CSF2: variants seen among roughly 807,000 people sequenced by gnomAD.
CSF2 encodes granulocyte-macrophage colony-stimulating factor.
Under a neutral mutation model 13.5 loss-of-function variants are expected in CSF2, and 2 were observed. That is an observed-to-expected ratio of 0.15 (90% CI 0.06 to 0.47). The LOEUF (loss-of-function observed/expected upper bound fraction) is 0.47, where lower values mean the gene tolerates loss of function less well. Ranked by LOEUF, CSF2 falls within the 20% of genes least tolerant of loss-of-function variation. The probability of loss-of-function intolerance (pLI) is 0.97; values close to 1 mark genes in which losing one functional copy is unlikely to be tolerated. For missense variants in CSF2, 141 were observed against 179.7 expected (o/e 0.78, Z 1.23); for synonymous variants, 66 against 69.2 (o/e 0.95, Z 0.23).
Position 132,075,964 on chromosome 5 carries a change from G to C in CSF2, c.*112G>C, listed in dbSNP as rs1176818478. On this transcript the variant is annotated 3_prime_UTR_variant, in exon 4 of 4. Coordinates refer to ENST00000296871, the MANE Select transcript of CSF2 (RefSeq NM_000758.4). ...CCAAGGGGTGGGCCACAGCCATGGT[G>C]GGAGTGGCCTGGACCTGCCCTGGGC... The C allele has an allele frequency of 5.7e-6, 5 of 883,572 alleles. No individual in the cohort carries two copies. The highest frequency in any genetic ancestry group is 7.5e-6 in the Non-Finnish European group (4 of 533,262). The allele number at this position is 883,572 out of a possible 1,614,324, so 54.7% of individuals were successfully genotyped here.
intron 3 of CSF2, among the ~76,000 whole-genome samples, chr5:132,075,161 C>T (rs1354083068): frequency 1.3e-5 from 2 of 152,240 alleles, no homozygotes; most frequent in Non-Finnish European, 2.9e-5. Flanking sequence ...AGGAGCTGCT[C>T]CTATCCTGGT....
chr5:132,075,679 T>G, intron 3 of CSF2, 66 bp from the exon 4 acceptor site: 8 of 1,203,536 alleles, frequency 6.6e-6, no homozygotes, highest in Non-Finnish European at 9.7e-6. Context: ...AACATGCTGG[T>G]GCTTCCTTCC....
intron 3 of CSF2, among the ~76,000 whole-genome samples, 177 bp from the exon 4 acceptor site, chr5:132,075,568 C>G (rs904877124): frequency 6.6e-5 from 10 of 152,208 alleles, no homozygotes; most frequent in African/African-American, 2.2e-4. Flanking sequence ...CTATGCACTC[C>G]TTGGGGAACA....
At chr5:132,074,054 A>G in intron 1 of CSF2, 27 bp from the exon 2 acceptor site, 1 of 1,613,876 alleles carries the variant, frequency 6.2e-7, no homozygotes, top group East Asian at 2.2e-5. Flanking sequence ...TGTCAGCTTG[A>G]TAACATGACA....
chr5:132,075,717 A>C, intron 3 of CSF2, 28 bp from the exon 4 acceptor site: 1 of 1,546,062 alleles, frequency 6.5e-7, no homozygotes, highest in Non-Finnish European at 8.8e-7. Flanking sequence ...CCTGGACTCA[A>C]GTGTTTTTTA....
rs753438778 is a variant in CSF2, at chr5:132,074,925, C to G, written c.317C>G (p.Pro106Arg). 6 of 1,613,544 alleles carry G rather than the reference C, an allele frequency of 3.7e-6. No homozygotes were observed. Among genetic ancestry groups the G allele is most frequent in the Non-Finnish European group, 4.2e-6 (5 of 1,180,034 alleles). The change falls in exon 3 of 4, where the codon CCT (proline) becomes CGT (arginine). Residue 106 changes from proline (P) to arginine (R), a missense_variant. Physicochemically the swap from Pro to Arg is moderately radical, Grantham distance 103. Coordinates refer to ENST00000296871, the MANE Select transcript of CSF2 (RefSeq NM_000758.4). ...GCCAGCCACTACAAGCAGCACTGCCCTCCAACCCCGGTGAGTGCCTACGGC... is the reference window on the plus strand; with the variant it reads ...GCCAGCCACTACAAGCAGCACTGCCGTCCAACCCCGGTGAGTGCCTACGGC... Reference protein sequence around the residue: ...MMASHYKQHCPPTPETSCATQ... With the variant: ...MMASHYKQHCRPTPETSCATQ...
chr5:132,073,978 A>T lies in CSF2; in HGVS notation c.155A>T (p.Glu52Val). 6.2e-7 allele frequency: 1 copy of T among 1,613,594 alleles called. No individual in the cohort carries two copies. The highest frequency in any genetic ancestry group is 8.5e-7 in the Non-Finnish European group (1 of 1,180,032). ...AACCTGAGTAGAGACACTGCTGCTG[A>T]GATGGTAAGTGAGAGAATGTGGGCC... is the stretch of plus-strand genomic sequence containing the variant. Reference protein sequence around the residue: ...LLNLSRDTAAEMNETVEVISE... With the variant: ...LLNLSRDTAAVMNETVEVISE... The change falls in exon 1 of 4, where the codon GAG becomes GTG. Residue 52 changes from glutamate to valine, a missense_variant. Physicochemically the swap from Glu to Val is moderately radical, Grantham distance 121 (BLOSUM62 -2). Coordinates refer to ENST00000296871, the MANE Select transcript of CSF2 (RefSeq NM_000758.4).
intron 1 of CSF2, 47 bp from the exon 2 acceptor site, chr5:132,074,034 T>C (rs1183938878): frequency 3.7e-6 from 6 of 1,613,444 alleles, no homozygotes; most frequent in Non-Finnish European, 5.1e-6. Context: ...GGCCCCTGAC[T>C]GGCCACGCCT....
intron 2 of CSF2, among the ~76,000 whole-genome samples, chr5:132,074,331 A>G (rs1756673020): frequency 6.6e-6 from 1 of 152,198 alleles, no homozygotes; most frequent in Non-Finnish European, 1.5e-5. Context: ...CTGAGCGGCC[A>G]TGGGCAGACC....
chr5:132,074,210 G>T, intron 2 of CSF2, 88 bp downstream of exon 2: 5 of 1,455,766 alleles, frequency 3.4e-6, no homozygotes, highest in Admixed American at 1.7e-5. Flanking sequence ...ACCACACAGG[G>T]TTGTCCACTT....
chr5:132,074,940 G>A lies in CSF2; in HGVS notation c.327+5G>A. 1.2e-6 allele frequency: 2 copies of A among 1,613,424 alleles called. No individual in the cohort carries two copies. The highest frequency in any genetic ancestry group is 1.7e-6 in the Non-Finnish European group (2 of 1,180,028). On this transcript the variant is annotated splice_donor_5th_base_variant and intron_variant, in intron 3 of 3. Coordinates refer to ENST00000296871, the MANE Select transcript of CSF2 (RefSeq NM_000758.4). ...CAGCACTGCCCTCCAACCCCGGTGA[G>A]TGCCTACGGCAGGGCCTCCAGCAGG...
At chr5:132,074,215 C>T (rs944297282) in intron 2 of CSF2, 93 bp downstream of exon 2, 3 of 1,415,980 alleles carry the variant, frequency 2.1e-6, no homozygotes, top group Non-Finnish European at 3.0e-6. Flanking sequence ...ACAGGGTTGT[C>T]CACTTTCTCT....
intron 2 of CSF2, 63 bp from the exon 3 acceptor site, chr5:132,074,747 G>C (rs1756679227): frequency 6.2e-7 from 1 of 1,612,906 alleles, no homozygotes. Flanking sequence ...AGGAGTGGTG[G>C]AGAGTTCTTG....
intron 2 of CSF2, among the ~76,000 whole-genome samples, 189 bp from the exon 3 acceptor site, chr5:132,074,621 G>A (rs1303078097): frequency 6.6e-6 from 1 of 152,186 alleles, no homozygotes; most frequent in East Asian, 1.9e-4. Context: ...GGTGGCCTGG[G>A]CGGGGCAGTG....
At position 132,075,860 on chromosome 5, in the gene CSF2, C is replaced by T; in HGVS notation, c.*8C>T. Reference sequence around the variant, plus strand: ...GAGCCAGTCCAGGAGTGAGACCGGCCAGATGAGGCTGGCCAAGCCGGGGAG... The same window carrying T: ...GAGCCAGTCCAGGAGTGAGACCGGCTAGATGAGGCTGGCCAAGCCGGGGAG... On this transcript the variant is annotated 3_prime_UTR_variant, in exon 4 of 4. Coordinates refer to ENST00000296871, the MANE Select transcript of CSF2 (RefSeq NM_000758.4). 1 of 1,597,020 alleles carries T rather than the reference C, an allele frequency of 6.3e-7. No homozygotes were observed. The highest frequency in any genetic ancestry group is 8.6e-7 in the Non-Finnish European group (1 of 1,169,468).
chr5:132,075,950 G>A lies in CSF2; in HGVS notation c.*98G>A. The A allele has an allele frequency of 1.0e-6, 1 of 1,000,362 alleles. No homozygotes were observed. The highest frequency in any genetic ancestry group is 2.7e-4 in the Middle Eastern group (1 of 3,684). 62.0% of individuals were successfully genotyped at this position (1,000,362 alleles called of 1,614,324 possible). On this transcript the variant is annotated 3_prime_UTR_variant, in exon 4 of 4. Transcript: ENST00000296871. Reference sequence around the variant, plus strand: ...TCATCTTGGAGGGACCAAGGGGTGGGCCACAGCCATGGTGGGAGTGGCCTG... The same window carrying A: ...TCATCTTGGAGGGACCAAGGGGTGGACCACAGCCATGGTGGGAGTGGCCTG...
chr5:132,074,729 C>A, intron 2 of CSF2, 81 bp from the exon 3 acceptor site: 4 of 1,608,656 alleles, frequency 2.5e-6, no homozygotes, highest in Non-Finnish European at 3.4e-6. Context: ...CTGGGGGCAG[C>A]AGCAAAAAGG....
chr5:132,074,886 C>G lies in CSF2; in HGVS notation c.278C>G (p.Pro93Arg). Residue 93 changes from proline (P) to arginine (R), a missense_variant, in exon 3 of 4, where the codon CCC becomes CGC. Coordinates refer to ENST00000296871, the MANE Select transcript of CSF2 (RefSeq NM_000758.4). Reference protein sequence around the residue: ...LRGSLTKLKGPLTMMASHYKQ... With the variant: ...LRGSLTKLKGRLTMMASHYKQ... Reference sequence around the variant, plus strand: ...GGCAGCCTCACCAAGCTCAAGGGCCCCTTGACCATGATGGCCAGCCACTAC... The same window carrying G: ...GGCAGCCTCACCAAGCTCAAGGGCCGCTTGACCATGATGGCCAGCCACTAC... The G allele has an allele frequency of 6.2e-7, 1 of 1,613,456 alleles. No individual in the cohort carries two copies. Among genetic ancestry groups the G allele is most frequent in the Non-Finnish European group, 8.5e-7 (1 of 1,180,030 alleles).
intron 3 of CSF2, 151 bp downstream of exon 3, chr5:132,075,086 A>G (rs2069626): frequency 0.014 from 18,107 of 1,248,996 alleles, 328 homozygotes; most frequent in African/African-American, 0.084. Context: ...GAGAGGAGGC[A>G]GACAGCCCAT....
Sources: gnomAD v4.1 joint callset for allele counts (sites outside exome capture counted in the v4.1 genomes callset) on GRCh38, gnomAD v4.1.1 for gene constraint, MANE v1.5 for transcripts, NCBI Gene and HGNC (gene_info 2026-07-23, HGNC 2026-07-21) for gene names.